The following HERC1 variants were observed in gnomAD, a reference collection of about 807,000 sequenced individuals.
The protein encoded by HERC1 is probable E3 ubiquitin-protein ligase HERC1.
A neutral mutation model predicts 554.3 loss-of-function variants in HERC1; 160 were observed. The ratio of observed to expected loss-of-function variants is 0.29; its 90% CI spans 0.25 to 0.33. The LOEUF (loss-of-function observed/expected upper bound fraction) is 0.33. Ranked by LOEUF, HERC1 falls within the 10% of genes least tolerant of loss-of-function variation. HERC1 has a pLI of 1.00. For missense variants in HERC1, 4,919 were observed against 5,918.5 expected (o/e 0.83, Z 5.54); for synonymous variants, 2,175 against 2,131.7 (o/e 1.02, Z -0.56).
At chr15:63,711,260 G>A (rs920297071) in intron 24 of HERC1, among the ~76,000 whole-genome samples, 2 of 152,152 alleles carry the variant, frequency 1.3e-5, no homozygotes, top group Non-Finnish European at 2.9e-5. Context: ...AGGAGTTCGA[G>A]GCTGCACTGA....
chr15:63,782,401 C>T (rs67875794), intron 1 of HERC1, among the ~76,000 whole-genome samples: 23,422 of 152,216 alleles, frequency 0.15, 4,005 homozygotes, highest in East Asian at 0.9. Context: ...AATCCAACAA[C>T]GAAGCCTGGA....
In HERC1 at chr15:63,718,771, T is replaced by A; in HGVS notation, c.3857+12A>T. The A allele has an allele frequency of 6.2e-7, 1 of 1,610,682 alleles. No homozygotes were observed. The highest frequency in any genetic ancestry group is 8.5e-7 in the Non-Finnish European group (1 of 1,177,796). ...GCAAATATTTGTCTGAGGATAGTTT[T>A]AAGTTACTTGCCGGCTTTCTCCACA... On this transcript the variant is annotated intron_variant, in intron 20 of 77. Coordinates refer to ENST00000443617, the MANE Select transcript of HERC1 (RefSeq NM_003922.4). The surrounding 1 kb of genome is among the most constrained non-coding windows in gnomAD (Gnocchi z 4.2).
intron 2 of HERC1, among the ~76,000 whole-genome samples, chr15:63,773,356 A>G (rs562989999): frequency 1.3e-5 from 2 of 149,692 alleles, no homozygotes; most frequent in Admixed American, 6.7e-5. Flanking sequence ...AGGCAGGAGA[A>G]TCGCTTGAAC....
intron 12 of HERC1, among the ~76,000 whole-genome samples, chr15:63,740,486 A>C (rs1485065098): frequency 6.6e-6 from 1 of 152,216 alleles, no homozygotes; most frequent in Non-Finnish European, 1.5e-5. Context: ...TCTATGTTTA[A>C]CTATTTAAGG....
At chr15:63,808,961 A>G (rs1022186912) in intron 1 of HERC1, among the ~76,000 whole-genome samples, 1 of 152,228 alleles carries the variant, frequency 6.6e-6, no homozygotes, top group African/African-American at 2.4e-5. Flanking sequence ...GTTATATCCA[A>G]TTGATACTTC....
Position 63,755,285 on chromosome 15 carries a change from G to A in HERC1, c.1574C>T (p.Ala525Val), listed in dbSNP as rs775400529. 12 of 1,613,712 alleles carry A rather than the reference G, an allele frequency of 7.4e-6. No individual in the cohort carries two copies. Among genetic ancestry groups the A allele is most frequent in the African/African-American group, 1.3e-5 (1 of 74,930 alleles). The change falls in exon 6 of 78, where the codon GCT becomes GTT. Residue 525 changes from alanine to valine, a missense_variant. Ala to Val is a moderately conservative substitution (Grantham distance 64, BLOSUM62 0). Coordinates refer to ENST00000443617, the MANE Select transcript of HERC1 (RefSeq NM_003922.4). ...CVSAGYRHSA[A>V]VTEDGELYTW... ...GTATAATTCCCCATCCTCTGTGACA[G>A]CAGCACTATGTCTGTATCCAGCTGA...
intron 1 of HERC1, among the ~76,000 whole-genome samples, chr15:63,802,395 T>C (rs927858675): frequency 2.6e-5 from 4 of 152,194 alleles, no homozygotes; most frequent in Non-Finnish European, 5.9e-5. Context: ...TGAGAACTAG[T>C]CAAATAAACC....
chr15:63,712,956 T>C, intron 23 of HERC1, 61 bp from the exon 24 acceptor site: 8 of 1,480,916 alleles, frequency 5.4e-6, no homozygotes, highest in Non-Finnish European at 6.4e-6. Flanking sequence ...AACATAAAAT[T>C]GAATGGAATT....
chr15:63,763,579 C>CT (rs368105722), intron 3 of HERC1, among the ~76,000 whole-genome samples: 4,410 of 141,602 alleles, frequency 0.031, 76 homozygotes, highest in African/African-American at 0.06. Context: ...AAAGACTTTC[C>CT]TTTTTTTTTT....
At chr15:63,817,340 G>C (rs1314446145) in intron 1 of HERC1, among the ~76,000 whole-genome samples, 4 of 152,116 alleles carry the variant, frequency 2.6e-5, no homozygotes, top group Non-Finnish European at 4.4e-5. Context: ...GCTATAAAAA[G>C]AGATAGACAC....
chr15:63,691,353 C>G (rs2072097060), intron 31 of HERC1, among the ~76,000 whole-genome samples: 1 of 151,816 alleles, frequency 6.6e-6, no homozygotes, highest in African/African-American at 2.4e-5. Context: ...GTGATCCCAG[C>G]TACTTGGGAG....
rs1237912275 is a variant in HERC1, at chr15:63,718,540, A to G, written c.3978+34T>C. On this transcript the variant is annotated intron_variant, in intron 21 of 77. Coordinates refer to ENST00000443617, the MANE Select transcript of HERC1 (RefSeq NM_003922.4). This position sits in a 1 kb window ranked among gnomAD's most constrained non-coding sequence, Gnocchi z 4.2. ...TAGAGCTAGCTCTCACAGCTTGCAG[A>G]AAAACATAGAAATTAATTGATTTCA... 1 of 1,522,254 alleles carries G rather than the reference A, an allele frequency of 6.6e-7. No individual in the cohort carries two copies. Among genetic ancestry groups the G allele is most frequent in the Admixed American group, 2.1e-5 (1 of 46,786 alleles). The allele number at this position is 1,522,254 out of a possible 1,614,324, so 94.3% of individuals were successfully genotyped here.
At chr15:63,644,926 A>G in intron 57 of HERC1, 66 bp downstream of exon 57, 1 of 1,206,414 alleles carries the variant, frequency 8.3e-7, no homozygotes, top group Middle Eastern at 1.9e-4. Context: ...TAACCAAGGG[A>G]GAATGACTCT....
At chr15:63,622,971 GAA>G in intron 73 of HERC1, 80 bp from the exon 74 acceptor site, 2 of 773,888 alleles carry the variant, frequency 2.6e-6, no homozygotes, top group Non-Finnish European at 4.1e-6. Flanking sequence ...AGATCATACT[GAA>G]AAGAGAATAT....
In HERC1 at chr15:63,661,789, G is replaced by A; in HGVS notation, c.9134C>T (p.Ala3045Val). ...TGTTGACTTAGATTTGGTCTTCATG[G>A]CTAAGTACTTCTCCCTGCAGGTGCC... ...LCGTCREKYL[A>V]MKTKSKSTSS... Residue 3045 changes from alanine (A) to valine (V), a missense_variant, in exon 45 of 78, where the codon GCC becomes GTC. Around this residue, in one of 11 missense-constraint regions of HERC1, gnomAD observed 1,963 missense variants for 2,228.6 expected, o/e 0.88. Transcript: ENST00000443617. 1 of 1,613,924 alleles carries A rather than the reference G, an allele frequency of 6.2e-7. No homozygotes were observed. Among genetic ancestry groups the A allele is most frequent in the Non-Finnish European group, 8.5e-7 (1 of 1,179,856 alleles).
intron 32 of HERC1, among the ~76,000 whole-genome samples, chr15:63,690,110 C>A (rs2153036541): frequency 6.8e-6 from 1 of 148,014 alleles, no homozygotes; most frequent in East Asian, 2.0e-4. Flanking sequence ...CTGCAGTGAG[C>A]TGAGATCGCG....
chr15:63,610,581 T>G lies in HERC1; in HGVS notation c.14401-1315A>C, dbSNP rs2067541037. On this transcript the variant is annotated intron_variant, in intron 77 of 77. Transcript: ENST00000443617. ...AACAAAACAGATTTACAACTTACAG[T>G]TCTTGGCAAGTCATGCAGAAAATTT... Among the ~76,000 whole-genome samples the G allele has an allele frequency of 3.3e-5, 5 of 152,178 alleles. No individual in the cohort carries two copies. In the South Asian group the frequency reaches 1.0e-3, roughly 31 times the overall value.
In HERC1 at chr15:63,638,727, G is replaced by A; in HGVS notation, c.11951C>T (p.Ala3984Val). 1 of 1,612,990 alleles carries A rather than the reference G, an allele frequency of 6.2e-7. No homozygotes were observed. Among genetic ancestry groups the A allele is most frequent in the Non-Finnish European group, 8.5e-7 (1 of 1,179,008 alleles). ...NGMDEQIMSW[A>V]TSRPEDWHLG... The stretch of plus-strand genomic sequence containing the variant: ...TTTACTGACCTCAGGTCTGGAAGTT[G>A]CCCAAGACATAATTTGTTCATCCAT... The change falls in exon 62 of 78, where the codon GCA becomes GTA. Residue 3984 changes from alanine (A) to valine (V), a missense_variant. Transcript: ENST00000443617.
intron 1 of HERC1, 74 bp downstream of exon 1, chr15:63,833,753 G>GCGCACACACACACACACACA (rs1340096449): frequency 4.7e-4 from 22 of 46,488 alleles, no homozygotes; most frequent in African/African-American, 1.2e-3. Context: ...ACGCGCGCGC[G>GCGCACACACACACACACACA]CACACACACA....
Sources: allele counts gnomAD v4.1 joint callset (sites outside exome capture counted in the v4.1 genomes callset), GRCh38; gene constraint gnomAD v4.1.1; regional missense constraint gnomAD v4.1.1; non-coding constraint Gnocchi (gnomAD v3.1); transcripts MANE v1.5; gene names NCBI Gene and HGNC (gene_info 2026-07-23, HGNC 2026-07-21).